GALNTL6: variants seen among roughly 807,000 people sequenced by gnomAD.
The protein encoded by GALNTL6 is polypeptide N-acetylgalactosaminyltransferase-like 6.
A neutral mutation model predicts 73.7 loss-of-function variants in GALNTL6; 46 were observed. The ratio of observed to expected loss-of-function variants is 0.62; its 90% confidence interval spans 0.49 to 0.80. The LOEUF is 0.80. Ranked by LOEUF, GALNTL6 falls within the 30% of genes least tolerant of loss-of-function variation. The pLI is 0.00. For synonymous variants in GALNTL6, 259 were observed against 263.7 expected (o/e 0.98, Z 0.17); for missense variants, 604 against 755.0 (o/e 0.80, Z 2.34).
chr4:172,906,910 G>A (rs775126875), intron 8 of GALNTL6, among the ~76,000 whole-genome samples: 1 of 152,168 alleles, frequency 6.6e-6, no homozygotes, highest in Non-Finnish European at 1.5e-5. Context: ...CCTTTTGATA[G>A]AACCATAATT....
chr4:172,080,069 G>T (rs1033857144), intron 2 of GALNTL6, among the ~76,000 whole-genome samples: 3 of 151,892 alleles, frequency 2.0e-5, no homozygotes, highest in African/African-American at 7.3e-5. Flanking sequence ...TTCCTTTTAG[G>T]CATGACTTTT....
At position 172,952,114 on chromosome 4, in the gene GALNTL6, T is replaced by C; in HGVS notation, c.1227T>C (p.His409=). Residue 409 remains histidine (H), a synonymous_variant, in exon 10 of 13, where the codon CAT becomes CAC. Coordinates refer to ENST00000506823, the MANE Select transcript of GALNTL6 (RefSeq NM_001034845.3). ...YIYQRRPEYR[H]LSTGDISAQK... The stretch of plus-strand genomic sequence containing the variant: ...ACCAGCGGCGGCCGGAGTACAGGCA[T>C]CTCTCCACGGGGGACATCTCTGCCC... The C allele has an allele frequency of 1.2e-6, 2 of 1,614,090 alleles. No individual in the cohort carries two copies. Among genetic ancestry groups the C allele is most frequent in the Non-Finnish European group, 1.7e-6 (2 of 1,179,998 alleles).
intron 5 of GALNTL6, among the ~76,000 whole-genome samples, chr4:172,671,424 T>C (rs111661405): frequency 7.2e-4 from 110 of 152,280 alleles, no homozygotes; most frequent in African/African-American, 2.6e-3. Context: ...GTGTGGCAAC[T>C]GTGAATGGGA....
At chr4:172,969,225 A>G (rs1239934833) in intron 10 of GALNTL6, among the ~76,000 whole-genome samples, 4 of 152,096 alleles carry the variant, frequency 2.6e-5, no homozygotes, top group Admixed American at 2.0e-4. Flanking sequence ...AGAAGAAATA[A>G]AAGGACAATA....
At chr4:172,575,882 A>G (rs1736939482) in intron 5 of GALNTL6, among the ~76,000 whole-genome samples, 2 of 152,144 alleles carry the variant, frequency 1.3e-5, no homozygotes, top group Admixed American at 6.5e-5. Context: ...GGGATTTGCT[A>G]TATGTGTGAT....
intron 5 of GALNTL6, among the ~76,000 whole-genome samples, chr4:172,522,363 G>T (rs913007275): frequency 6.6e-6 from 1 of 151,802 alleles, no homozygotes; most frequent in African/African-American, 2.4e-5. Flanking sequence ...CCATTCTCTG[G>T]TTACCAGCGA....
intron 2 of GALNTL6, among the ~76,000 whole-genome samples, chr4:171,872,611 C>A (rs961170351): frequency 6.6e-6 from 1 of 152,078 alleles, no homozygotes; most frequent in African/African-American, 2.4e-5. Flanking sequence ...AGCCACACTC[C>A]CTTTGGAGGT....
chr4:172,808,711 G>A (rs1741116074), intron 5 of GALNTL6, among the ~76,000 whole-genome samples: 1 of 152,114 alleles, frequency 6.6e-6, no homozygotes. Context: ...TTTTTAATTA[G>A]GCAGGAAACA....
chr4:172,832,938 GA>G (rs964493388), intron 7 of GALNTL6, among the ~76,000 whole-genome samples: 7 of 152,184 alleles, frequency 4.6e-5, no homozygotes, highest in Non-Finnish European at 1.0e-4. Flanking sequence ...GCTCCAGCTA[GA>G]AAAACGTGAA....
intron 2 of GALNTL6, among the ~76,000 whole-genome samples, chr4:172,125,131 G>T (rs139109915): frequency 6.6e-6 from 1 of 152,218 alleles, no homozygotes; most frequent in African/African-American, 2.4e-5. Flanking sequence ...AGAACAAAAG[G>T]CAATGATGTA....
chr4:172,909,358 A>C (rs998543939), intron 8 of GALNTL6, among the ~76,000 whole-genome samples: 6 of 420 alleles, frequency 0.014, no homozygotes, highest in Admixed American at 0.11. Flanking sequence ...ATTCATTTAC[A>C]TAAAATATTA....
intron 3 of GALNTL6, among the ~76,000 whole-genome samples, chr4:172,288,267 A>G (rs1373369655): frequency 6.6e-6 from 1 of 151,710 alleles, no homozygotes; most frequent in African/African-American, 2.4e-5. Context: ...ATTTTTTTGT[A>G]TTTTTAGTAG....
At chr4:172,718,980 T>A (rs951370601) in intron 5 of GALNTL6, among the ~76,000 whole-genome samples, 6 of 152,196 alleles carry the variant, frequency 3.9e-5, no homozygotes, top group Non-Finnish European at 7.3e-5. Flanking sequence ...AGCAACTCAA[T>A]GAAACACTCT....
intron 2 of GALNTL6, among the ~76,000 whole-genome samples, chr4:171,978,019 AG>A (rs1441957720): frequency 1.3e-5 from 2 of 152,132 alleles, no homozygotes; most frequent in African/African-American, 4.8e-5. Context: ...TGTATTCTTT[AG>A]AGATTTTTGT....
intron 2 of GALNTL6, among the ~76,000 whole-genome samples, chr4:172,088,888 G>C (rs776339745): frequency 6.6e-6 from 1 of 152,100 alleles, no homozygotes; most frequent in South Asian, 2.1e-4. Flanking sequence ...AAATAGTCTC[G>C]TTTCCTTCAG....
chr4:172,582,907 CTA>C (rs1024090993), intron 5 of GALNTL6, among the ~76,000 whole-genome samples: 1 of 152,174 alleles, frequency 6.6e-6, no homozygotes, highest in Non-Finnish European at 1.5e-5. Flanking sequence ...CTTCAAATAT[CTA>C]TGTTTGATAG....
chr4:172,448,685 T>C (rs1732110901), intron 5 of GALNTL6, among the ~76,000 whole-genome samples: 1 of 152,182 alleles, frequency 6.6e-6, no homozygotes, highest in East Asian at 1.9e-4. Context: ...TAGAATTATT[T>C]TAAAACTCTG....
intron 2 of GALNTL6, among the ~76,000 whole-genome samples, chr4:172,092,377 ACAT>A (rs1208139733): frequency 6.6e-6 from 1 of 152,186 alleles, no homozygotes; most frequent in African/African-American, 2.4e-5. Flanking sequence ...AGAAGAGAAA[ACAT>A]CATTTCTTAT....
At chr4:172,890,279 A>T (rs1282397679) in intron 8 of GALNTL6, among the ~76,000 whole-genome samples, 2 of 151,002 alleles carry the variant, frequency 1.3e-5, no homozygotes, top group East Asian at 3.9e-4. Flanking sequence ...TTCATTATTT[A>T]TTTTTTTCTG....
Sources: gnomAD v4.1 joint callset for allele counts (sites outside exome capture counted in the v4.1 genomes callset) on GRCh38, gnomAD v4.1.1 for gene constraint, MANE v1.5 for transcripts, NCBI Gene and HGNC (gene_info 2026-07-23, HGNC 2026-07-21) for gene names.